The following G3BP1 variants were observed in gnomAD, a reference collection of about 807,000 sequenced individuals.
The protein encoded by G3BP1 is G3BP stress granule assembly factor 1, also known as ras GTPase-activating protein-binding protein 1.
Under a neutral mutation model 58.6 loss-of-function variants are expected in G3BP1, and 35 were observed. That is an observed-to-expected ratio of 0.60 (90% CI 0.46 to 0.79). G3BP1 has a LOEUF of 0.79. G3BP1 is among the 30% of genes least tolerant of loss of function. G3BP1 has a pLI of 0.00. For missense variants in G3BP1, 523 were observed against 580.8 expected, an observed-to-expected ratio of 0.90 and a Z score of 1.02; for synonymous variants, 191 against 195.4, an observed-to-expected ratio of 0.98 and a Z score of 0.19.
rs992444608 is a variant in G3BP1, at chr5:151,790,347, T to A, written c.120T>A (p.Tyr40Ter). ...LHRFYGKNSS[Y>*]VHGGLDSNGK... ...GATTTTATGGAAAGAACTCTTCTTA[T>A]GTCCATGGGGGATTGGATTCAAATG... The change falls in exon 3 of 12, where the codon TAT (tyrosine) becomes TAA (stop). Residue 40 changes from tyrosine (Y) to a stop codon, truncating the protein, a stop_gained. Coordinates refer to ENST00000356245, the MANE Select transcript of G3BP1 (RefSeq NM_005754.3). LOFTEE classifies it high-confidence loss of function. 1.9e-6 allele frequency: 3 copies of A among 1,571,294 alleles called. No homozygotes were observed. The highest frequency in any genetic ancestry group is 2.6e-6 in the Non-Finnish European group (3 of 1,156,120).
intron 6 of G3BP1, among the ~76,000 whole-genome samples, chr5:151,796,888 C>T (rs554577323): frequency 7.7e-6 from 1 of 130,626 alleles, no homozygotes; most frequent in South Asian, 2.8e-4. Flanking sequence ...TTCTTTCCCG[C>T]CCCCCCCGCC....
Position 151,782,849 on chromosome 5 carries a change from C to CTT in G3BP1, c.-49-3698_-49-3697dup, listed in dbSNP as rs796501774. 3.0e-3 allele frequency among the ~76,000 whole-genome samples: 219 copies of CTT among 73,918 alleles called. 25 individuals are homozygous for CTT. The highest frequency in any genetic ancestry group is 8.3e-3 in the African/African-American group (151 of 18,262). 48.5% of individuals were successfully genotyped at this position (73,918 alleles called of 152,430 possible). ...AAACACTGTCTTTTCTGTGACTCATCTTTTTTTTTTTTTTTTTTTTTTTTT... is the reference window on the plus strand; with the variant it reads ...AAACACTGTCTTTTCTGTGACTCATCTTTTTTTTTTTTTTTTTTTTTTTTTTT... On this transcript the variant is annotated intron_variant, in intron 1 of 11. Transcript: ENST00000356245.
At chr5:151,784,381 T>C (rs1762523516) in intron 1 of G3BP1, among the ~76,000 whole-genome samples, 1 of 152,338 alleles carries the variant, frequency 6.6e-6, no homozygotes, top group South Asian at 2.1e-4. Flanking sequence ...ATCTAAATGC[T>C]GGAAAACCTG....
chr5:151,798,402 C>A (rs1366967151), intron 7 of G3BP1, among the ~76,000 whole-genome samples: 2 of 152,020 alleles, frequency 1.3e-5, no homozygotes, highest in Admixed American at 6.6e-5. Flanking sequence ...GACCAGCTGA[C>A]CACTTAGTTG....
chr5:151,791,159 C>A, intron 4 of G3BP1, 97 bp downstream of exon 4: 1 of 1,076,434 alleles, frequency 9.3e-7, no homozygotes, highest in Non-Finnish European at 1.4e-6. Flanking sequence ...AAATTTCAGA[C>A]TTACAGAAAA....
At chr5:151,777,835 C>T (rs1443204009) in intron 1 of G3BP1, among the ~76,000 whole-genome samples, 1 of 152,204 alleles carries the variant, frequency 6.6e-6, no homozygotes. Flanking sequence ...CTTGTTCCTT[C>T]CACCCTTCTC....
At chr5:151,781,601 T>C (rs1170719935) in intron 1 of G3BP1, among the ~76,000 whole-genome samples, 2 of 152,234 alleles carry the variant, frequency 1.3e-5, no homozygotes, top group African/African-American at 2.4e-5. Context: ...AGAAAAGTTA[T>C]GACATTACAA....
chr5:151,774,697 A>G (rs188511898), intron 1 of G3BP1, among the ~76,000 whole-genome samples: 27 of 151,334 alleles, frequency 1.8e-4, no homozygotes, highest in Admixed American at 1.8e-3. Context: ...AGAATGGATA[A>G]TTGTGGAAGT....
intron 11 of G3BP1, among the ~76,000 whole-genome samples, chr5:151,802,324 G>A (rs1295263665): frequency 2.0e-5 from 3 of 152,174 alleles, no homozygotes; most frequent in Non-Finnish European, 1.5e-5. Flanking sequence ...CCATCATTCA[G>A]CATGTATTAG....
At chr5:151,788,558 C>G (rs1171380964) in intron 2 of G3BP1, among the ~76,000 whole-genome samples, 1 of 135,216 alleles carries the variant, frequency 7.4e-6, no homozygotes, top group Non-Finnish European at 1.6e-5. Flanking sequence ...ACTACCATGC[C>G]CAGCTAAGTT....
rs1762903091 is a variant in G3BP1 at position 151,804,029 on chromosome 5, CG to C, written c.1340del (p.Arg447LeufsTer55). The stretch of plus-strand genomic sequence containing the variant: ...GGGTGGTGGAATGAGAGGCCCTCCC[CG>C]TGGAGGCATGGTGCAGAAACCAGGA... ...GLGGGMRGPP[R>X]GGMVQKPGFG... is the part of the protein sequence containing the mutation. On this transcript the variant is annotated frameshift_variant, in exon 12 of 12. Transcript: ENST00000356245. LOFTEE classifies it high-confidence loss of function. 6.2e-7 allele frequency: 1 copy of C among 1,613,070 alleles called. No homozygotes were observed.
chr5:151,789,197 C>CTT (rs1260148158), intron 2 of G3BP1, among the ~76,000 whole-genome samples: 1 of 151,804 alleles, frequency 6.6e-6, no homozygotes, highest in Non-Finnish European at 1.5e-5. Context: ...AATTCTAGCA[C>CTT]TTTGAGAGGC....
rs1180050479 is a variant in G3BP1 at position 151,810,853 on chromosome 5, G to A, written c.*6762G>A. The A allele has an allele frequency of 6.6e-6, 1 of 151,510 alleles. No homozygotes were observed. Among genetic ancestry groups the A allele is most frequent in the East Asian group, 1.9e-4 (1 of 5,164 alleles). The allele number at this position is 151,510 out of a possible 1,614,324, so 9.4% of individuals were successfully genotyped here. A position where few individuals can be genotyped will look rare whatever the true frequency, so the allele number is the denominator to read the frequency against. The stretch of plus-strand genomic sequence containing the variant: ...TTTGGGGGGATGGATATATAAGGGG[G>A]AGGAAGTCACTGGCCAGTTTGAGGT... On this transcript the variant is annotated 3_prime_UTR_variant, in exon 12 of 12. Transcript: ENST00000356245.
Position 151,795,574 on chromosome 5 carries a change from A to C in G3BP1, c.538A>C (p.Ser180Arg). Residue 180 changes from serine (S) to arginine (R), a missense_variant and splice_region_variant, in exon 6 of 12, where the codon AGT becomes CGT. By Grantham distance (110) the Ser-to-Arg change is moderately radical. Transcript: ENST00000356245. Reference protein sequence around the residue: ...SGTFYDQAVVSNDMEEHLEEP... With the variant: ...SGTFYDQAVVRNDMEEHLEEP... ...AACTTTCTATGATCAGGCAGTTGTC[A>C]GGTAAGAAGATTTTGTTCACATGTC... 6.4e-7 allele frequency: 1 copy of C among 1,552,574 alleles called. No homozygotes were observed. The highest frequency in any genetic ancestry group is 8.9e-7 in the Non-Finnish European group (1 of 1,125,302).
chr5:151,809,882 C>T lies in G3BP1; in HGVS notation c.*5791C>T, dbSNP rs1236923516. 1 of 152,182 alleles carries T rather than the reference C, an allele frequency of 6.6e-6. No homozygotes were observed. The highest frequency in any genetic ancestry group is 1.5e-5 in the Non-Finnish European group (1 of 68,048). 9.4% of individuals were successfully genotyped at this position (152,182 alleles called of 1,614,324 possible). On this transcript the variant is annotated 3_prime_UTR_variant, in exon 12 of 12. Transcript: ENST00000356245. ...CTTTAATGGCCCAGCTCTACCAGGG[C>T]TTGTTGTCTAAGGACATTAACTTGT...
chr5:151,802,742 G>T (rs1762874883), intron 11 of G3BP1, among the ~76,000 whole-genome samples: 1 of 152,186 alleles, frequency 6.6e-6, no homozygotes, highest in African/African-American at 2.4e-5. Context: ...GACCATCCTG[G>T]CTAACACGGT....
At chr5:151,783,805 C>G (rs73281646) in intron 1 of G3BP1, among the ~76,000 whole-genome samples, 1 of 151,984 alleles carries the variant, frequency 6.6e-6, no homozygotes, top group Non-Finnish European at 1.5e-5. Context: ...CTCTGTCGCC[C>G]AGGCTGGAGT....
intron 5 of G3BP1, 25 bp downstream of exon 5, chr5:151,794,274 A>T: frequency 7.1e-7 from 1 of 1,405,206 alleles, no homozygotes; most frequent in Non-Finnish European, 1.0e-6. Context: ...ACTTTAAATT[A>T]CTTGTCTAAA....
intron 7 of G3BP1, among the ~76,000 whole-genome samples, chr5:151,798,085 G>A (rs1261473427): frequency 6.6e-6 from 1 of 152,236 alleles, no homozygotes; most frequent in Non-Finnish European, 1.5e-5. Flanking sequence ...GTTAGGCATT[G>A]TTCAAAGTGT....
Sources: allele counts gnomAD v4.1 joint callset (sites outside exome capture counted in the v4.1 genomes callset), GRCh38; gene constraint gnomAD v4.1.1; transcripts MANE v1.5; gene names NCBI Gene and HGNC (gene_info 2026-07-23, HGNC 2026-07-21).